Variants in FAM171A1 observed in about 807,000 individuals in gnomAD.
FAM171A1 encodes the protein protein FAM171A1.
In FAM171A1, 23 loss-of-function variants were observed where a neutral mutation model predicts 74.9. The ratio of observed to expected loss-of-function variants is 0.31; its 90% CI spans 0.22 to 0.44. The LOEUF is 0.44. Among genes scored for constraint, FAM171A1 ranks in the 20% least tolerant of loss-of-function variants. The pLI is 1.00. For missense variants in FAM171A1, 1,162 were observed against 1,159.2 expected (o/e 1.00, Z -0.03); for synonymous variants, 527 against 505.7 (o/e 1.04, Z -0.57).
chr10:15,225,189 C>T (rs1180092648), intron 5 of FAM171A1, among the ~76,000 whole-genome samples: 1 of 152,154 alleles, frequency 6.6e-6, no homozygotes, highest in Non-Finnish European at 1.5e-5. Context: ...CTTTTGTTTT[C>T]TTCTCAGCAC....
At chr10:15,232,393 C>T (rs1026406752) in intron 5 of FAM171A1, among the ~76,000 whole-genome samples, 1 of 152,206 alleles carries the variant, frequency 6.6e-6, no homozygotes, top group African/African-American at 2.4e-5. Flanking sequence ...CGGTCTCCTT[C>T]TTCTAGAACA....
intron 5 of FAM171A1, among the ~76,000 whole-genome samples, chr10:15,236,819 G>C (rs1473137500): frequency 6.6e-6 from 1 of 152,146 alleles, no homozygotes; most frequent in African/African-American, 2.4e-5. Flanking sequence ...GACTGGGCGT[G>C]GTGGCTCACT....
At chr10:15,361,609 G>A (rs1288575141) in intron 1 of FAM171A1, among the ~76,000 whole-genome samples, 1 of 152,168 alleles carries the variant, frequency 6.6e-6, no homozygotes, top group East Asian at 1.9e-4. Flanking sequence ...CTTGAACTCA[G>A]GAGGCAGAGG....
chr10:15,213,498 C>G lies in FAM171A1; in HGVS notation c.2090G>C (p.Gly697Ala), dbSNP rs146450035. The G allele has an allele frequency of 3.1e-5, 50 of 1,614,128 alleles. No homozygotes were observed. The African/African-American group carries it at 5.5e-4, about 18-fold the overall frequency. ...GGGGTGCGGAAGCGGCTTCCCACCC[C>G]CAAGCTCCATCAGGGCCTTTTCAGT... Reference protein sequence around the residue: ...LLTEKALMELGGGKPLPHPRA... With the variant: ...LLTEKALMELAGGKPLPHPRA... The change falls in exon 8 of 8, where the codon GGG (glycine) becomes GCG (alanine). Residue 697 changes from glycine to alanine, a missense_variant. By Grantham distance (60) the Gly-to-Ala change is moderately conservative. Coordinates refer to ENST00000378116, the MANE Select transcript of FAM171A1 (RefSeq NM_001010924.2). The surrounding 1 kb of genome is among the most constrained non-coding windows in gnomAD (Gnocchi z 6.8).
Position 15,212,416 on chromosome 10 carries a change from A to C in FAM171A1, c.*499T>G, listed in dbSNP as rs1431612371. 1 of 158,166 alleles carries C rather than the reference A, an allele frequency of 6.3e-6. No homozygotes were observed. Among genetic ancestry groups the C allele is most frequent in the African/African-American group, 2.4e-5 (1 of 41,510 alleles). The allele number at this position is 158,166 out of a possible 1,614,324, so 9.8% of individuals were successfully genotyped here. ...CGCAACCTAACCAAAGCAAAATCTA[A>C]GCAAAATCAGACAACGAAGCAGCGA... On this transcript the variant is annotated 3_prime_UTR_variant, in exon 8 of 8. Transcript: ENST00000378116.
chr10:15,239,463 CA>C (rs1291997652), intron 5 of FAM171A1, among the ~76,000 whole-genome samples: 4 of 151,924 alleles, frequency 2.6e-5, no homozygotes, highest in African/African-American at 9.7e-5. Context: ...CACCCGGCTC[CA>C]GCTAATTTTT....
chr10:15,312,067 G>T (rs1241220421), intron 1 of FAM171A1, among the ~76,000 whole-genome samples: 1 of 152,214 alleles, frequency 6.6e-6, no homozygotes, highest in Admixed American at 6.5e-5. Flanking sequence ...CTGCCACCCA[G>T]CAGAGCTGAG....
intron 1 of FAM171A1, among the ~76,000 whole-genome samples, chr10:15,312,671 GTGTTTTTTTTTTTTTTTTT>G (rs1835374688): frequency 1.9e-4 from 10 of 51,884 alleles, no homozygotes; most frequent in African/African-American, 6.6e-4. Flanking sequence ...TCAGCACTGT[GTGTTTTTTTTTTTTTTTTT>G]TTTTTTTTTT....
At chr10:15,326,417 C>G (rs768405260) in intron 1 of FAM171A1, among the ~76,000 whole-genome samples, 1 of 151,934 alleles carries the variant, frequency 6.6e-6, no homozygotes, top group Non-Finnish European at 1.5e-5. Flanking sequence ...TGGGTTCAAG[C>G]GATTCTCCTG....
At chr10:15,301,677 G>C (rs984160354) in intron 1 of FAM171A1, among the ~76,000 whole-genome samples, 2 of 152,176 alleles carry the variant, frequency 1.3e-5, no homozygotes, top group Non-Finnish European at 2.9e-5. Context: ...GGCCCTCTTT[G>C]CATTGCCCTG....
rs369050654 is a variant in FAM171A1 at position 15,236,285 on chromosome 10, CAA to C, written c.754+12352_754+12353del. On this transcript the variant is annotated intron_variant, in intron 5 of 7. Transcript: ENST00000378116. ...TACCTGTCCTTTTATATCATGCTTC[CAA>C]AAAAAAAAAAAAAATCACACACTGC... 2.5e-3 allele frequency among the ~76,000 whole-genome samples: 337 copies of C among 137,054 alleles called. 1 individual carries two copies. Among genetic ancestry groups the C allele is most frequent in the African/African-American group, 7.9e-3 (290 of 36,824 alleles). 89.9% of individuals were successfully genotyped at this position (137,054 alleles called of 152,430 possible).
At chr10:15,359,778 T>G (rs1422461394) in intron 1 of FAM171A1, among the ~76,000 whole-genome samples, 1 of 152,158 alleles carries the variant, frequency 6.6e-6, no homozygotes, top group African/African-American at 2.4e-5. Flanking sequence ...GATGCACTCT[T>G]GCTGACTTGG....
At chr10:15,346,119 T>A (rs2131875064) in intron 1 of FAM171A1, among the ~76,000 whole-genome samples, 1 of 152,252 alleles carries the variant, frequency 6.6e-6, no homozygotes, top group East Asian at 1.9e-4. Context: ...TTTGTTTGTT[T>A]AGAGACAGGG....
upstream of FAM171A1, among the ~76,000 whole-genome samples, chr10:15,371,793 A>G (rs1836153412): frequency 6.6e-6 from 1 of 152,152 alleles, no homozygotes; most frequent in African/African-American, 2.4e-5. Flanking sequence ...TTTCTGTCCT[A>G]TTAAAGAAAA....
intron 3 of FAM171A1, among the ~76,000 whole-genome samples, chr10:15,274,469 T>C (rs1434069570): frequency 1.3e-5 from 2 of 152,176 alleles, no homozygotes; most frequent in Admixed American, 6.5e-5. Flanking sequence ...CCCAAGGTAA[T>C]TTATAGATTC....
intron 3 of FAM171A1, among the ~76,000 whole-genome samples, chr10:15,255,718 C>T (rs889287836): frequency 6.6e-6 from 1 of 151,038 alleles, no homozygotes; most frequent in Non-Finnish European, 1.5e-5. Flanking sequence ...GGTGTGATCT[C>T]AACTCCCTGC....
chr10:15,240,704 G>A (rs1216383690), intron 5 of FAM171A1: 1 of 984,846 alleles, frequency 1.0e-6, no homozygotes, highest in Non-Finnish European at 1.2e-6. Flanking sequence ...TAAAGTGTGT[G>A]AGTTAGAGTT....
chr10:15,230,742 T>TTA (rs1226746758), intron 5 of FAM171A1, among the ~76,000 whole-genome samples: 2 of 152,364 alleles, frequency 1.3e-5, no homozygotes, highest in East Asian at 3.9e-4. Flanking sequence ...ACTGGCAGAC[T>TTA]TATAGAAACT....
chr10:15,244,260 C>T (rs1368951743), intron 5 of FAM171A1, among the ~76,000 whole-genome samples: 1 of 152,238 alleles, frequency 6.6e-6, no homozygotes, highest in East Asian at 1.9e-4. Context: ...GAGGCTGAGG[C>T]ACTAGAATCA....
Sources: allele counts gnomAD v4.1 joint callset (sites outside exome capture counted in the v4.1 genomes callset), GRCh38; gene constraint gnomAD v4.1.1; non-coding constraint Gnocchi (gnomAD v3.1); transcripts MANE v1.5; gene names NCBI Gene and HGNC (gene_info 2026-07-23, HGNC 2026-07-21).